Variants in C1QTNF7 observed in about 807,000 individuals in gnomAD.
C1QTNF7 encodes C1q and TNF related 7, also known as complement C1q tumor necrosis factor-related protein 7.
A neutral mutation model predicts 19.6 loss-of-function variants in C1QTNF7; 15 were observed. That is an observed-to-expected ratio of 0.76 (90% CI 0.51 to 1.18). The LOEUF (loss-of-function observed/expected upper bound fraction) is 1.18. Ranked by LOEUF, C1QTNF7 falls within the 50% of genes most tolerant of loss-of-function variation. The pLI, the probability that C1QTNF7 is intolerant of heterozygous loss-of-function variation, is 0.00. For missense variants in C1QTNF7, 324 were observed against 359.7 expected (o/e 0.90, Z 0.80); for synonymous variants, 142 against 137.5 (o/e 1.03, Z -0.23).
In C1QTNF7 at chr4:15,442,505, C is replaced by T; in HGVS notation, c.576C>T (p.Ile192=). The change falls in exon 3 of 3, where the codon ATC becomes ATT. Residue 192 remains isoleucine (I), a synonymous_variant. Coordinates refer to ENST00000444304, the MANE Select transcript of C1QTNF7 (RefSeq NM_031911.5). ...AGTTCATCTGTGCTTTCCCAGGGAT[C>T]TATTACTTTTCTTATGATATCACAT... The part of the protein sequence containing the change: ...TGKFICAFPG[I]YYFSYDITLA... 1.9e-6 allele frequency: 3 copies of T among 1,614,174 alleles called. No individual in the cohort carries two copies. The highest frequency in any genetic ancestry group is 2.2e-5 in the South Asian group (2 of 91,080).
intron 1 of C1QTNF7, among the ~76,000 whole-genome samples, chr4:15,365,807 A>G (rs1717495975): frequency 6.6e-6 from 1 of 152,148 alleles, no homozygotes; most frequent in Admixed American, 6.5e-5. Context: ...CCTCCCTCCC[A>G]ACGGCTGTAT....
upstream of C1QTNF7, among the ~76,000 whole-genome samples, chr4:15,425,908 C>A (rs929553704): frequency 1.3e-5 from 2 of 151,988 alleles, no homozygotes; most frequent in Non-Finnish European, 2.9e-5. Flanking sequence ...CCAGCAAGTG[C>A]GAATTCTACA....
At chr4:15,358,887 C>G (rs928689042) in intron 1 of C1QTNF7, among the ~76,000 whole-genome samples, 1 of 152,088 alleles carries the variant, frequency 6.6e-6, no homozygotes, top group African/African-American at 2.4e-5. Context: ...TAGGAGTGGA[C>G]AGAGTAGGAT....
At position 15,348,503 on chromosome 4, in the gene C1QTNF7, A is replaced by G. The variant is rs896911549; in HGVS notation, c.13+8296A>G. Among the ~76,000 whole-genome samples, 8 of 152,150 alleles carry G rather than the reference A, an allele frequency of 5.3e-5. 1 individual carries two copies. Among genetic ancestry groups the G allele is most frequent in the Admixed American group, 2.6e-4 (4 of 15,278 alleles). On this transcript the variant is annotated intron_variant, in intron 1 of 2. Transcript: ENST00000295297. Reference sequence around the variant, plus strand: ...CAAGACATTAGTGTAGCTCCAGGCAATACACTAAGTCAGGGGCTGTCATCT... The same window carrying G: ...CAAGACATTAGTGTAGCTCCAGGCAGTACACTAAGTCAGGGGCTGTCATCT...
At chr4:15,385,166 C>T (rs751708487) in intron 1 of C1QTNF7, among the ~76,000 whole-genome samples, 60 of 152,192 alleles carry the variant, frequency 3.9e-4, no homozygotes, top group Admixed American at 1.3e-4. Flanking sequence ...CAGAACTAAG[C>T]GCTCACCAAG....
intron 1 of C1QTNF7, among the ~76,000 whole-genome samples, chr4:15,380,743 T>C (rs1718110122): frequency 2.0e-5 from 3 of 152,076 alleles, no homozygotes; most frequent in African/African-American, 7.2e-5. Flanking sequence ...GAGACAAGCC[T>C]GGCCAATGTG....
chr4:15,348,747 T>C (rs142548131), intron 1 of C1QTNF7, among the ~76,000 whole-genome samples: 9 of 152,378 alleles, frequency 5.9e-5, no homozygotes, highest in South Asian at 4.1e-4. Flanking sequence ...TTTAAATCCT[T>C]GCTGTTTTTG....
At chr4:15,412,153 C>T (rs1229147714) in intron 1 of C1QTNF7, among the ~76,000 whole-genome samples, 1 of 152,156 alleles carries the variant, frequency 6.6e-6, no homozygotes, top group Non-Finnish European at 1.5e-5. Context: ...GCTCTGATCA[C>T]CCCAGAGGGG....
chr4:15,359,934 G>A (rs11943051), intron 1 of C1QTNF7, among the ~76,000 whole-genome samples: 2 of 152,152 alleles, frequency 1.3e-5, no homozygotes, highest in Non-Finnish European at 2.9e-5. Context: ...GACATGGTAA[G>A]GAAAAGAGGA....
In C1QTNF7 at chr4:15,443,426, A is replaced by G. The variant is rs1712867565; in HGVS notation, c.*627A>G. On this transcript the variant is annotated 3_prime_UTR_variant, in exon 3 of 3. Coordinates refer to ENST00000444304, the MANE Select transcript of C1QTNF7 (RefSeq NM_031911.5). ...CCTATGGGCTAGTGTGTGGTGATCA[A>G]ACTATCACAATTCAGTGTGATGAGC... 6.6e-6 allele frequency: 1 copy of G among 152,266 alleles called. No individual in the cohort carries two copies. The highest frequency in any genetic ancestry group is 1.5e-5 in the Non-Finnish European group (1 of 68,066). 9.4% of individuals were successfully genotyped at this position (152,266 alleles called of 1,614,324 possible). A position where few individuals can be genotyped will look rare whatever the true frequency, so the allele number is the denominator to read the frequency against.
At chr4:15,375,590 G>A (rs141400717) in intron 1 of C1QTNF7, among the ~76,000 whole-genome samples, 85 of 152,236 alleles carry the variant, frequency 5.6e-4, no homozygotes, top group African/African-American at 1.9e-3. Flanking sequence ...GAACGGAATC[G>A]TTTTGTTTGG....
In C1QTNF7 at chr4:15,353,794, C is replaced by T. The variant is rs187979663; in HGVS notation, c.13+13587C>T. ...AAAAAAAAAAAAAATCTGGACAATACGGCAAGCATGTAGGGCAAGATATGA... is the reference window on the plus strand; with the variant it reads ...AAAAAAAAAAAAAATCTGGACAATATGGCAAGCATGTAGGGCAAGATATGA... On this transcript the variant is annotated intron_variant, in intron 1 of 2. Transcript: ENST00000295297. 1.3e-4 allele frequency among the ~76,000 whole-genome samples: 20 copies of T among 151,386 alleles called. 1 individual carries two copies. Among genetic ancestry groups the T allele is most frequent in the Admixed American group, 1.1e-3 (17 of 15,214 alleles).
rs1276773652 is a variant in C1QTNF7, at chr4:15,428,789, A to G, written c.-9+683A>G. Among the ~76,000 whole-genome samples the G allele has an allele frequency of 2.0e-5, 3 of 152,322 alleles. 1 individual carries two copies. In the East Asian group the frequency reaches 5.8e-4, roughly 29 times the overall value. On this transcript the variant is annotated intron_variant, in intron 1 of 2. Transcript: ENST00000444304. ...CCACTCCCAGTGCAACAAGAGAAACACAGAGCTTGCTGTTGTGAAATCTCC... is the reference window on the plus strand; with the variant it reads ...CCACTCCCAGTGCAACAAGAGAAACGCAGAGCTTGCTGTTGTGAAATCTCC...
At position 15,443,777 on chromosome 4, in the gene C1QTNF7, C is replaced by G. The variant is rs892998987; in HGVS notation, c.*978C>G. ...CTGAATCCTTTAGTGTGATGGTTTC[C>G]CAAGACAAACATTTGTCCTAATAGC... On this transcript the variant is annotated 3_prime_UTR_variant, in exon 3 of 3. Coordinates refer to ENST00000444304, the MANE Select transcript of C1QTNF7 (RefSeq NM_031911.5). 7 of 152,164 alleles carry G rather than the reference C, an allele frequency of 4.6e-5. No homozygotes were observed. Among genetic ancestry groups the G allele is most frequent in the Non-Finnish European group, 8.8e-5 (6 of 68,028 alleles). 9.4% of individuals were successfully genotyped at this position (152,164 alleles called of 1,614,324 possible). A position where few individuals can be genotyped will look rare whatever the true frequency, so the allele number is the denominator to read the frequency against.
intron 1 of C1QTNF7, among the ~76,000 whole-genome samples, chr4:15,411,361 A>T (rs145825779): frequency 3.8e-4 from 58 of 152,300 alleles, no homozygotes; most frequent in African/African-American, 1.3e-3. Context: ...AAATATTAAA[A>T]AAAAACCACT....
chr4:15,351,608 G>A (rs778066517), intron 1 of C1QTNF7, among the ~76,000 whole-genome samples: 2 of 152,138 alleles, frequency 1.3e-5, no homozygotes, highest in African/African-American at 4.8e-5. Flanking sequence ...AGCGGCGCCC[G>A]AGACTAGTAC....
At chr4:15,380,334 G>A (rs1252182463) in intron 1 of C1QTNF7, among the ~76,000 whole-genome samples, 1 of 152,092 alleles carries the variant, frequency 6.6e-6, no homozygotes, top group African/African-American at 2.4e-5. Flanking sequence ...GAATGCTGTA[G>A]CTATCCAAGG....
chr4:15,344,617 T>C (rs1006682590), intron 1 of C1QTNF7, among the ~76,000 whole-genome samples: 3 of 152,202 alleles, frequency 2.0e-5, no homozygotes, highest in Non-Finnish European at 4.4e-5. Flanking sequence ...AAGATAACAC[T>C]CTAAGCACTT....
chr4:15,342,641 C>G (rs1384023796), intron 1 of C1QTNF7, among the ~76,000 whole-genome samples: 1 of 152,150 alleles, frequency 6.6e-6, no homozygotes, highest in Non-Finnish European at 1.5e-5. Context: ...CAGGGGTCCC[C>G]AGGCAGAGGC....
Sources: gnomAD v4.1 joint callset for allele counts (sites outside exome capture counted in the v4.1 genomes callset) on GRCh38, gnomAD v4.1.1 for gene constraint, MANE v1.5 for transcripts, NCBI Gene and HGNC (gene_info 2026-07-23, HGNC 2026-07-21) for gene names.